The following TMEM245 variants were observed in gnomAD, a reference collection of about 807,000 sequenced individuals.
TMEM245 encodes transmembrane protein 245.
A neutral mutation model predicts 101.2 loss-of-function variants in TMEM245; 69 were observed. The ratio of observed to expected loss-of-function variants is 0.68; its 90% CI spans 0.56 to 0.83. The LOEUF is 0.83. Ranked by LOEUF, TMEM245 falls within the 40% of genes least tolerant of loss-of-function variation. The pLI is 0.00. For missense variants in TMEM245, 1,075 were observed against 1,092.8 expected (o/e 0.98, Z 0.23); for synonymous variants, 537 against 449.8 (o/e 1.19, Z -2.45).
chr9:109,080,825 T>C lies in TMEM245; in HGVS notation c.1449+14A>G. 3.5e-6 allele frequency: 5 copies of C among 1,443,062 alleles called. No individual in the cohort carries two copies. The highest frequency in any genetic ancestry group is 4.8e-6 in the Non-Finnish European group (5 of 1,031,038). The allele number at this position is 1,443,062 out of a possible 1,614,324, so 89.4% of individuals were successfully genotyped here. A position where few individuals can be genotyped will look rare whatever the true frequency, so the allele number is the denominator to read the frequency against. ...AAGGGTTTATTAATGAGAATAATAA[T>C]CACTGTACTCTACCTTTGCAGTCAG... On this transcript the variant is annotated intron_variant, in intron 8 of 17. Coordinates refer to ENST00000374586, the MANE Select transcript of TMEM245 (RefSeq NM_032012.4).
chr9:109,033,276 T>C (rs775846275), intron 17 of TMEM245, 31 bp downstream of exon 17: 17 of 1,561,134 alleles, frequency 1.1e-5, no homozygotes, highest in Non-Finnish European at 1.4e-5. Flanking sequence ...AATGTATAAA[T>C]ACAGCTTATG....
intron 10 of TMEM245, among the ~76,000 whole-genome samples, chr9:109,062,324 T>C (rs1829041106): frequency 6.6e-6 from 1 of 152,208 alleles, no homozygotes; most frequent in Non-Finnish European, 1.5e-5. Context: ...TGGCTCTTGC[T>C]ATGCATTGGT....
intron 14 of TMEM245, 146 bp downstream of exon 14, chr9:109,050,137 G>A (rs1380859080): frequency 1.1e-6 from 1 of 946,200 alleles, no homozygotes; most frequent in African/African-American, 1.7e-5. Context: ...TATTTATCCT[G>A]TCAAAATGAG....
At chr9:109,099,240 T>C (rs1830221901) in intron 3 of TMEM245, among the ~76,000 whole-genome samples, 1 of 152,188 alleles carries the variant, frequency 6.6e-6, no homozygotes, top group African/African-American at 2.4e-5. Flanking sequence ...CAGTAGACTT[T>C]TCTCTAGGCC....
In TMEM245 at chr9:109,064,489, C is replaced by G; in HGVS notation, c.1611G>C (p.Trp537Cys). 1 of 1,613,122 alleles carries G rather than the reference C, an allele frequency of 6.2e-7. No individual in the cohort carries two copies. Among genetic ancestry groups the G allele is most frequent in the South Asian group, 1.1e-5 (1 of 90,896 alleles). Residue 537 changes from tryptophan to cysteine, a missense_variant, in exon 10 of 18, where the codon TGG (tryptophan) becomes TGC (cysteine). Physicochemically the swap from Trp to Cys is radical, Grantham distance 215. Coordinates refer to ENST00000374586, the MANE Select transcript of TMEM245 (RefSeq NM_032012.4). ...TTTCTTCCCTTACCTTGTGAGTTATCCATTCTCGTCCATACTGATACACGT... is the reference window on the plus strand; with the variant it reads ...TTTCTTCCCTTACCTTGTGAGTTATGCATTCTCGTCCATACTGATACACGT... ...ANNVYQYGRE[W>C]ITHKLHKILG... is the part of the protein sequence containing the mutation.
chr9:109,079,798 T>C (rs1026234534), intron 8 of TMEM245, among the ~76,000 whole-genome samples: 2 of 151,910 alleles, frequency 1.3e-5, no homozygotes, highest in African/African-American at 4.8e-5. Context: ...AAGACCATAC[T>C]AATGAAAGAA....
Position 109,093,469 on chromosome 9 carries a change from A to T in TMEM245, c.916+6T>A. 6.2e-7 allele frequency: 1 copy of T among 1,605,562 alleles called. No individual in the cohort carries two copies. Among genetic ancestry groups the T allele is most frequent in the East Asian group, 2.2e-5 (1 of 44,804 alleles). On this transcript the variant is annotated splice_donor_region_variant and intron_variant, in intron 4 of 17. Coordinates refer to ENST00000374586, the MANE Select transcript of TMEM245 (RefSeq NM_032012.4). ...TAACCTTGAATGTCACCAGAACATC[A>T]GTCACCTGCAGGCTGAGTGGAGGGC...
intron 3 of TMEM245, among the ~76,000 whole-genome samples, chr9:109,099,550 T>A (rs1260586529): frequency 6.6e-6 from 1 of 152,216 alleles, no homozygotes; most frequent in Non-Finnish European, 1.5e-5. Context: ...TTTGAAGAAA[T>A]TTCTTATACT....
At chr9:109,022,220 C>T (rs1564165079) in intron 17 of TMEM245, among the ~76,000 whole-genome samples, 1 of 152,138 alleles carries the variant, frequency 6.6e-6, no homozygotes, top group East Asian at 1.9e-4. Context: ...AAGGATGGTG[C>T]CCTAAGCCTC....
In TMEM245 at chr9:109,053,183, T is replaced by G. The variant is rs377520476; in HGVS notation, c.1855-2491A>C. On this transcript the variant is annotated intron_variant, in intron 12 of 17. Coordinates refer to ENST00000374586, the MANE Select transcript of TMEM245 (RefSeq NM_032012.4). ...GCTCACACCTGTAATCTCAGCACTTTGGGAGGCCAAGGTGAGCGGATCAGT... is the reference window on the plus strand; with the variant it reads ...GCTCACACCTGTAATCTCAGCACTTGGGGAGGCCAAGGTGAGCGGATCAGT... 4.6e-5 allele frequency among the ~76,000 whole-genome samples: 7 copies of G among 152,326 alleles called. No homozygotes were observed. In the East Asian group the frequency reaches 1.2e-3, roughly 25 times the overall value.
intron 9 of TMEM245, among the ~76,000 whole-genome samples, chr9:109,065,640 A>G (rs978025491): frequency 5.3e-5 from 8 of 152,194 alleles, no homozygotes; most frequent in African/African-American, 1.9e-4. Context: ...ATACACCTTA[A>G]TCAAGAATCC....
chr9:109,057,807 C>A (rs1289838800), intron 11 of TMEM245, among the ~76,000 whole-genome samples: 1 of 151,872 alleles, frequency 6.6e-6, no homozygotes, highest in Admixed American at 6.6e-5. Flanking sequence ...ATATAAAATT[C>A]TTTTGTTTAT....
intron 1 of TMEM245, among the ~76,000 whole-genome samples, chr9:109,116,807 C>T (rs940563311): frequency 1.3e-5 from 2 of 152,082 alleles, no homozygotes; most frequent in Non-Finnish European, 2.9e-5. Context: ...GGACTACAGG[C>T]GTGGGCAACC....
intron 17 of TMEM245, among the ~76,000 whole-genome samples, chr9:109,030,186 A>G (rs1004777286): frequency 1.3e-5 from 2 of 152,206 alleles, no homozygotes; most frequent in African/African-American, 4.8e-5. Flanking sequence ...AAATATCAAA[A>G]TAATACAGGG....
Position 109,064,526 on chromosome 9 carries a change from G to T in TMEM245, c.1574C>A (p.Ser525Tyr). ...ATACTGATACACGTTGTTAGCCGCA[G>T]AATTCAGGGCTCTTTGGACTACCTG... is the stretch of plus-strand genomic sequence containing the variant. ...EAQVVQRALN[S>Y]AANNVYQYGR... Residue 525 changes from serine to tyrosine, a missense_variant, in exon 10 of 18, where the codon TCT (serine) becomes TAT (tyrosine). Coordinates refer to ENST00000374586, the MANE Select transcript of TMEM245 (RefSeq NM_032012.4). 2 of 1,613,990 alleles carry T rather than the reference G, an allele frequency of 1.2e-6. No individual in the cohort carries two copies. The highest frequency in any genetic ancestry group is 1.7e-6 in the Non-Finnish European group (2 of 1,179,900).
At chr9:109,064,189 A>G (rs1829096698) in intron 10 of TMEM245, among the ~76,000 whole-genome samples, 1 of 152,256 alleles carries the variant, frequency 6.6e-6, no homozygotes, top group African/African-American at 2.4e-5. Flanking sequence ...CTTTTTCTCT[A>G]CAAAGCCTTA....
At position 109,064,480 on chromosome 9, in the gene TMEM245, G is replaced by A. The variant is rs762825357; in HGVS notation, c.1620C>T (p.His540=). Reference sequence around the variant, plus strand: ...CAAAGAAAGTTTCTTCCCTTACCTTGTGAGTTATCCATTCTCGTCCATACT... The same window carrying A: ...CAAAGAAAGTTTCTTCCCTTACCTTATGAGTTATCCATTCTCGTCCATACT... ...VYQYGREWIT[H]KLHKILGDKV... The change falls in exon 10 of 18, where the codon CAC becomes CAT. Residue 540 remains histidine, a synonymous_variant. Transcript: ENST00000374586. 1.2e-6 allele frequency: 2 copies of A among 1,612,416 alleles called. No individual in the cohort carries two copies. The highest frequency in any genetic ancestry group is 1.7e-6 in the Non-Finnish European group (2 of 1,179,092).
Position 109,050,275 on chromosome 9 carries a change from A to T in TMEM245, c.2123+8T>A. ...GAGAAATAAGAATAGCATAAACCTT[A>T]TCCCTACCTGATAGCTTCTTCCACA... is the stretch of plus-strand genomic sequence containing the variant. On this transcript the variant is annotated splice_region_variant and intron_variant, in intron 14 of 17. Transcript: ENST00000374586. 2.5e-6 allele frequency: 4 copies of T among 1,613,910 alleles called. No homozygotes were observed. The highest frequency in any genetic ancestry group is 3.4e-6 in the Non-Finnish European group (4 of 1,179,968).
At chr9:109,056,067 C>G (rs1469558989) in intron 12 of TMEM245, among the ~76,000 whole-genome samples, 2 of 152,322 alleles carry the variant, frequency 1.3e-5, no homozygotes, top group South Asian at 4.1e-4. Flanking sequence ...AACAGCACTT[C>G]ATCTTCCACA....
Sources: gnomAD v4.1 joint callset for allele counts (sites outside exome capture counted in the v4.1 genomes callset) on GRCh38, gnomAD v4.1.1 for gene constraint, MANE v1.5 for transcripts, NCBI Gene and HGNC (gene_info 2026-07-23, HGNC 2026-07-21) for gene names.